SLC35A3: variants seen among roughly 807,000 people sequenced by gnomAD.
SLC35A3 encodes UDP-N-acetylglucosamine transporter.
A neutral mutation model predicts 39.0 loss-of-function variants in SLC35A3; 26 were observed. The observed-to-expected ratio is 0.67, with a 90% CI of 0.49 to 0.92. The LOEUF (loss-of-function observed/expected upper bound fraction) is 0.92, where lower values mean the gene tolerates loss of function less well. Among genes scored for constraint, SLC35A3 ranks in the 40% least tolerant of loss-of-function variants. The pLI, the probability that SLC35A3 is intolerant of heterozygous loss-of-function variation, is 0.00. For missense variants in SLC35A3, 299 were observed against 371.6 expected, an observed-to-expected ratio of 0.80 and a Z score of 1.61; for synonymous variants, 135 against 133.1, an observed-to-expected ratio of 1.01 and a Z score of -0.10.
At position 100,024,937 on chromosome 1, in the gene SLC35A3, A is replaced by G; in HGVS notation, c.*2461A>G. Reference sequence around the variant, plus strand: ...GTACCCTTGCCTAACGTGAACTGGCAGTGTTACCTTGCTTTTGCAGTAATA... The same window carrying G: ...GTACCCTTGCCTAACGTGAACTGGCGGTGTTACCTTGCTTTTGCAGTAATA... On this transcript the variant is annotated 3_prime_UTR_variant, in exon 8 of 8. Transcript: ENST00000533028. 1 of 333,848 alleles carries G rather than the reference A, an allele frequency of 3.0e-6. No individual in the cohort carries two copies. The allele number at this position is 333,848 out of a possible 1,614,324, so 20.7% of individuals were successfully genotyped here.
At chr1:100,004,557 C>A (rs1334442396) in intron 3 of SLC35A3, among the ~76,000 whole-genome samples, 1 of 152,098 alleles carries the variant, frequency 6.6e-6, no homozygotes, top group Non-Finnish European at 1.5e-5. Flanking sequence ...CCGCCTTGGC[C>A]TCCCAAAGTG....
chr1:99,984,384 G>C (rs1201774871), intron 1 of SLC35A3, among the ~76,000 whole-genome samples: 1 of 152,068 alleles, frequency 6.6e-6, no homozygotes, highest in African/African-American at 2.4e-5. Flanking sequence ...TAGAATAATG[G>C]TCTCCAATTC....
At position 100,025,792 on chromosome 1, in the gene SLC35A3, A is replaced by G. The variant is rs1299615468; in HGVS notation, c.*3316A>G. 6.6e-6 allele frequency: 1 copy of G among 152,160 alleles called. No individual in the cohort carries two copies. The highest frequency in any genetic ancestry group is 1.5e-5 in the Non-Finnish European group (1 of 68,012). The allele number at this position is 152,160 out of a possible 1,614,324, so 9.4% of individuals were successfully genotyped here. On this transcript the variant is annotated 3_prime_UTR_variant, in exon 8 of 8. Coordinates refer to ENST00000533028, the MANE Select transcript of SLC35A3 (RefSeq NM_012243.3). Reference sequence around the variant, plus strand: ...TAAATTCCTATACTTTTTATTTGTTATCACGCAACTACTTTGTTCAATGTG... The same window carrying G: ...TAAATTCCTATACTTTTTATTTGTTGTCACGCAACTACTTTGTTCAATGTG...
rs1660952485 is a variant in SLC35A3, at chr1:100,027,133, T to C, written c.*4657T>C. On this transcript the variant is annotated 3_prime_UTR_variant, in exon 8 of 8. Coordinates refer to ENST00000533028, the MANE Select transcript of SLC35A3 (RefSeq NM_012243.3). The stretch of plus-strand genomic sequence containing the variant: ...ACTGTCACATGTGATCTTTCTTCCT[T>C]TTCTCTAGCCCATATTCTAGCATGA... The C allele has an allele frequency of 2.5e-6, 1 of 398,478 alleles. No individual in the cohort carries two copies. Among genetic ancestry groups the C allele is most frequent in the Non-Finnish European group, 4.4e-6 (1 of 226,056 alleles). 24.7% of individuals were successfully genotyped at this position (398,478 alleles called of 1,614,324 possible). A position where few individuals can be genotyped will look rare whatever the true frequency, so the allele number is the denominator to read the frequency against.
chr1:99,971,726 C>G (rs370527567), intron 1 of SLC35A3, among the ~76,000 whole-genome samples: 1 of 152,228 alleles, frequency 6.6e-6, no homozygotes, highest in Admixed American at 6.5e-5. Context: ...TGCTATATGC[C>G]TGTCAGCCTT....
intron 1 of SLC35A3, among the ~76,000 whole-genome samples, chr1:99,976,928 A>T (rs1013183696): frequency 1.3e-5 from 2 of 152,180 alleles, no homozygotes; most frequent in Non-Finnish European, 2.9e-5. Context: ...TTACCCATGT[A>T]ACAAACGTGC....
At chr1:99,978,637 G>GT (rs1477726800) in intron 1 of SLC35A3, among the ~76,000 whole-genome samples, 2 of 152,194 alleles carry the variant, frequency 1.3e-5, no homozygotes, top group Non-Finnish European at 2.9e-5. Context: ...CCAAGTCCTT[G>GT]TTTTTTCTAT....
At chr1:99,990,572 A>T (rs1287798284) in intron 1 of SLC35A3, among the ~76,000 whole-genome samples, 1 of 152,246 alleles carries the variant, frequency 6.6e-6, no homozygotes, top group East Asian at 1.9e-4. Context: ...CTCCGTCTCA[A>T]AAAATAAATA....
chr1:100,006,070 G>A (rs1339617945), intron 3 of SLC35A3, among the ~76,000 whole-genome samples: 1 of 152,186 alleles, frequency 6.6e-6, no homozygotes, highest in East Asian at 1.9e-4. Context: ...CTGGGTGGGT[G>A]CAGTAATATA....
In SLC35A3 at chr1:100,024,694, C is replaced by T; in HGVS notation, c.*2218C>T. The T allele has an allele frequency of 2.6e-6, 1 of 380,348 alleles. No homozygotes were observed. The highest frequency in any genetic ancestry group is 2.1e-5 in the African/African-American group (1 of 47,590). The allele number at this position is 380,348 out of a possible 1,614,324, so 23.6% of individuals were successfully genotyped here. The stretch of plus-strand genomic sequence containing the variant: ...AGTGCTGTGGCGCGATCTCGGCTTA[C>T]TGCAACCTCCCACTCCCTGGTTCAA... On this transcript the variant is annotated 3_prime_UTR_variant, in exon 8 of 8. Transcript: ENST00000533028.
chr1:100,029,017 T>G lies in SLC35A3; in HGVS notation c.*6541T>G, dbSNP rs1661078896. 6.6e-6 allele frequency: 1 copy of G among 152,260 alleles called. No individual in the cohort carries two copies. Among genetic ancestry groups the G allele is most frequent in the Non-Finnish European group, 1.5e-5 (1 of 68,064 alleles). 9.4% of individuals were successfully genotyped at this position (152,260 alleles called of 1,614,324 possible). A position where few individuals can be genotyped will look rare whatever the true frequency, so the allele number is the denominator to read the frequency against. On this transcript the variant is annotated 3_prime_UTR_variant, in exon 8 of 8. Coordinates refer to ENST00000533028, the MANE Select transcript of SLC35A3 (RefSeq NM_012243.3). ...GTTATCTACTCCTGACCACAATGTT[T>G]GACAGTACACACATAGTATTGCCAT...
chr1:100,016,712 A>G (rs115132169), intron 6 of SLC35A3, among the ~76,000 whole-genome samples: 2,038 of 152,288 alleles, frequency 0.013, 18 homozygotes, highest in Middle Eastern at 0.058. Flanking sequence ...AAGGAAACAA[A>G]GATAAGTGAA....
intron 1 of SLC35A3, among the ~76,000 whole-genome samples, chr1:99,989,077 A>G (rs1224247505): frequency 3.3e-5 from 5 of 152,054 alleles, no homozygotes; most frequent in African/African-American, 7.2e-5. Flanking sequence ...TGGTCGTACC[A>G]TTTTACATTT....
rs567674604 is a variant in SLC35A3 at position 100,025,270 on chromosome 1, G to T, written c.*2794G>T. 6.6e-6 allele frequency: 1 copy of T among 152,308 alleles called. No homozygotes were observed. The highest frequency in any genetic ancestry group is 2.1e-4 in the South Asian group (1 of 4,826). The allele number at this position is 152,308 out of a possible 1,614,324, so 9.4% of individuals were successfully genotyped here. A position where few individuals can be genotyped will look rare whatever the true frequency, so the allele number is the denominator to read the frequency against. ...TAATGATTTATGTTTAGCTCACATT[G>T]AAGTATTGGTTGGTTACTTATGTAT... On this transcript the variant is annotated 3_prime_UTR_variant, in exon 8 of 8. Transcript: ENST00000533028.
chr1:99,978,916 C>G (rs1657279784), intron 1 of SLC35A3: 3 of 152,178 alleles, frequency 2.0e-5, no homozygotes, highest in Admixed American at 2.0e-4. Context: ...ATATTTAATG[C>G]TTTCTTCTGG....
intron 1 of SLC35A3, among the ~76,000 whole-genome samples, chr1:99,983,360 A>T (rs1657565616): frequency 1.3e-5 from 2 of 151,934 alleles, no homozygotes; most frequent in South Asian, 4.1e-4. Flanking sequence ...CAACATGGTG[A>T]AACCCCGTCT....
intron 1 of SLC35A3, among the ~76,000 whole-genome samples, chr1:99,972,668 C>G (rs1321536899): frequency 6.6e-6 from 1 of 152,214 alleles, no homozygotes; most frequent in African/African-American, 2.4e-5. Context: ...CACTTTAGTA[C>G]TTGAACACAT....
Position 100,034,946 on chromosome 1 carries a change from T to A in SLC35A3, c.*12470T>A, listed in dbSNP as rs1195679314. ...AACTTCCAATATCCTTCCAAATAAT[T>A]CCCTTTTGCTTACGTTAGCGAGTAC... is the stretch of plus-strand genomic sequence containing the variant. On this transcript the variant is annotated 3_prime_UTR_variant, in exon 8 of 8. Transcript: ENST00000533028. The A allele has an allele frequency of 6.6e-6, 1 of 152,148 alleles. No individual in the cohort carries two copies. Among genetic ancestry groups the A allele is most frequent in the African/African-American group, 2.4e-5 (1 of 41,424 alleles). 9.4% of individuals were successfully genotyped at this position (152,148 alleles called of 1,614,324 possible).
rs566179325 is a variant in SLC35A3, at chr1:100,003,555, T to C, written c.343-3479T>C. Among the ~76,000 whole-genome samples the C allele has an allele frequency of 4.0e-4, 61 of 152,282 alleles. 1 individual carries two copies. The South Asian group carries it at 0.012, about 30-fold the overall frequency. ...CTAATATATATTCTATTCTGGAGAA[T>C]GCTGCATGTGCTGATGAGAAGCATG... On this transcript the variant is annotated intron_variant, in intron 3 of 7. Coordinates refer to ENST00000533028, the MANE Select transcript of SLC35A3 (RefSeq NM_012243.3).
Sources: allele counts gnomAD v4.1 joint callset (sites outside exome capture counted in the v4.1 genomes callset), GRCh38; gene constraint gnomAD v4.1.1; transcripts MANE v1.5; gene names NCBI Gene and HGNC (gene_info 2026-07-23, HGNC 2026-07-21).